Variants in PSD3 observed in about 807,000 individuals in gnomAD.
The protein encoded by PSD3 is pleckstrin and Sec7 domain containing 3.
A neutral mutation model predicts 105.5 loss-of-function variants in PSD3; 49 were observed. The observed-to-expected ratio is 0.46, with a 90% CI of 0.37 to 0.59. PSD3 has a LOEUF of 0.59. Among genes scored for constraint, PSD3 ranks in the 20% least tolerant of loss-of-function variants. The pLI is 0.00. For missense variants in PSD3, 1,561 were observed against 1,263.8 expected (o/e 1.24, Z -3.57); for synonymous variants, 557 against 457.8 (o/e 1.22, Z -2.77).
At chr8:18,616,867 C>T (rs976099535) in intron 11 of PSD3, among the ~76,000 whole-genome samples, 2 of 151,728 alleles carry the variant, frequency 1.3e-5, no homozygotes, top group East Asian at 4.1e-4. Context: ...TCGTGATCCG[C>T]CCGCCTCGGC....
At position 19,037,416 on chromosome 8, in the gene PSD3, C is replaced by T. The variant is rs1362924572; in HGVS notation, c.324+46790G>A. 2.6e-5 allele frequency among the ~76,000 whole-genome samples: 4 copies of T among 152,224 alleles called. No homozygotes were observed. In the East Asian group the frequency reaches 7.7e-4, roughly 29 times the overall value. ...ATAGATCCGTGGCAACTTACAGGGG[C>T]TTTCCTATGGTTACTGGAAGGATTT... On this transcript the variant is annotated intron_variant, in intron 1 of 1. Transcript: ENST00000521475.
chr8:18,661,297 C>T (rs757500412), intron 9 of PSD3, among the ~76,000 whole-genome samples: 6 of 152,118 alleles, frequency 3.9e-5, no homozygotes, highest in African/African-American at 9.7e-5. Flanking sequence ...TGACACCATC[C>T]GTACCACAAT....
intron 4 of PSD3, among the ~76,000 whole-genome samples, chr8:18,806,298 T>A (rs1312919453): frequency 6.6e-6 from 1 of 152,202 alleles, no homozygotes; most frequent in Non-Finnish European, 1.5e-5. Flanking sequence ...AATAGTGTTA[T>A]AATAATTAGT....
intron 9 of PSD3, among the ~76,000 whole-genome samples, chr8:18,678,499 G>C (rs556202775): frequency 6.6e-6 from 1 of 152,186 alleles, no homozygotes; most frequent in Non-Finnish European, 1.5e-5. Context: ...TCTTCGCCTT[G>C]CTTCTGCAAA....
At chr8:18,688,667 C>T (rs973281169) in intron 9 of PSD3, among the ~76,000 whole-genome samples, 29 of 152,180 alleles carry the variant, frequency 1.9e-4, no homozygotes, top group Non-Finnish European at 8.8e-5. Flanking sequence ...CTTCATCCTA[C>T]ATTATTTCTT....
At chr8:18,933,915 T>A (rs372080445) in intron 2 of PSD3, among the ~76,000 whole-genome samples, 1 of 152,316 alleles carries the variant, frequency 6.6e-6, no homozygotes, top group South Asian at 2.1e-4. Context: ...ATGGCTACAA[T>A]ACATGTTAAG....
At chr8:19,080,796 A>C (rs1348406294) in intron 1 of PSD3, among the ~76,000 whole-genome samples, 1 of 152,192 alleles carries the variant, frequency 6.6e-6, no homozygotes, top group Non-Finnish European at 1.5e-5. Flanking sequence ...GCCATAGATA[A>C]AATTGAGGTC....
chr8:19,002,256 A>G (rs916553671), intron 1 of PSD3, among the ~76,000 whole-genome samples: 5 of 152,018 alleles, frequency 3.3e-5, no homozygotes, highest in Non-Finnish European at 7.4e-5. Flanking sequence ...CCCAGCCTAA[A>G]GACCTCCAAG....
chr8:18,909,568 C>T (rs1396310987), intron 2 of PSD3, among the ~76,000 whole-genome samples: 1 of 152,134 alleles, frequency 6.6e-6, no homozygotes, highest in East Asian at 1.9e-4. Flanking sequence ...CAACCTCCAC[C>T]TCCTGGGCTC....
Position 18,674,406 on chromosome 8 carries a change from C to G in PSD3, c.2173-18721G>C, listed in dbSNP as rs768678339. 2.6e-5 allele frequency among the ~76,000 whole-genome samples: 4 copies of G among 152,104 alleles called. No individual in the cohort carries two copies. In the South Asian group the frequency reaches 8.3e-4, roughly 32 times the overall value. On this transcript the variant is annotated intron_variant, in intron 9 of 15. Transcript: ENST00000327040. ...ATAGTGAACACGTCTATCTGGTTTC[C>G]ATGTTTCAAAGTTTGCTGATGTTTT...
chr8:18,601,753 A>G (rs1396376219), intron 11 of PSD3, among the ~76,000 whole-genome samples: 1 of 152,200 alleles, frequency 6.6e-6, no homozygotes, highest in African/African-American at 2.4e-5. Context: ...TAAACAGATA[A>G]CCATACATCA....
intron 8 of PSD3, among the ~76,000 whole-genome samples, chr8:18,798,640 G>A (rs1009957582): frequency 2.0e-5 from 3 of 151,972 alleles, no homozygotes; most frequent in South Asian, 2.1e-4. Flanking sequence ...ATCAGAATTC[G>A]TTAAATATGG....
intron 2 of PSD3, among the ~76,000 whole-genome samples, chr8:18,917,468 A>T (rs1251166316): frequency 2.0e-5 from 3 of 152,166 alleles, no homozygotes; most frequent in Non-Finnish European, 2.9e-5. Flanking sequence ...GCAAGTCCTC[A>T]CTCAACATTG....
intron 12 of PSD3, among the ~76,000 whole-genome samples, chr8:18,578,465 C>T (rs1403190863): frequency 6.6e-6 from 1 of 152,126 alleles, no homozygotes; most frequent in African/African-American, 2.4e-5. Context: ...TCTCTCCTAC[C>T]TCTCTGATCA....
In PSD3 at chr8:18,618,774, G is replaced by A. The variant is rs113021664; in HGVS notation, c.2410+13839C>T. Among the ~76,000 whole-genome samples the A allele has an allele frequency of 9.6e-3, 1,463 of 151,994 alleles. 20 individuals are homozygous for A. The highest frequency in any genetic ancestry group is 0.032 in the African/African-American group (1,345 of 41,440). The stretch of plus-strand genomic sequence containing the variant: ...TGGCTCACTGCAGACTTAACATCCT[G>A]GGCTCAAGCAATCCTCCCACCTTAG... On this transcript the variant is annotated intron_variant, in intron 11 of 15. Coordinates refer to ENST00000327040, the MANE Select transcript of PSD3 (RefSeq NM_015310.4).
At chr8:18,837,260 G>T (rs4921616) in intron 4 of PSD3, among the ~76,000 whole-genome samples, 13 of 152,018 alleles carry the variant, frequency 8.6e-5, no homozygotes, top group Admixed American at 6.5e-5. Context: ...CCCAGCTCTG[G>T]GTCACTCTGT....
chr8:18,797,516 A>C (rs551796135), intron 8 of PSD3, among the ~76,000 whole-genome samples: 1 of 152,300 alleles, frequency 6.6e-6, no homozygotes, highest in East Asian at 1.9e-4. Context: ...TTGCAGCTCT[A>C]AACCTGTAGC....
chr8:19,026,836 G>A (rs1295039811), intron 1 of PSD3, among the ~76,000 whole-genome samples: 2 of 151,658 alleles, frequency 1.3e-5, no homozygotes, highest in Non-Finnish European at 2.9e-5. Flanking sequence ...TTACATCACT[G>A]CACTCTAGCC....
intron 1 of PSD3, among the ~76,000 whole-genome samples, chr8:18,995,839 C>G (rs1343439062): frequency 2.0e-5 from 3 of 151,950 alleles, no homozygotes; most frequent in Admixed American, 2.0e-4. Flanking sequence ...AACCCACCCC[C>G]ATGATTCAAT....
Sources: allele counts gnomAD v4.1 joint callset (sites outside exome capture counted in the v4.1 genomes callset), GRCh38; gene constraint gnomAD v4.1.1; transcripts MANE v1.5; gene names NCBI Gene and HGNC (gene_info 2026-07-23, HGNC 2026-07-21).